UQCRC2: variants seen among roughly 807,000 people sequenced by gnomAD.
UQCRC2 encodes the protein ubiquinol-cytochrome c reductase core protein 2, also known as cytochrome b-c1 complex subunit 2, mitochondrial.
UQCRC2 carries 49 observed loss-of-function variants against 55.6 expected under a neutral mutation model. The observed-to-expected ratio is 0.88, with a 90% CI of 0.70 to 1.12. The LOEUF (loss-of-function observed/expected upper bound fraction) is 1.12. Among genes scored for constraint, UQCRC2 ranks in the 50% most tolerant of loss-of-function variants. The pLI, the probability that UQCRC2 is intolerant of heterozygous loss-of-function variation, is 0.00. For synonymous variants in UQCRC2, 193 were observed against 192.0 expected (o/e 1.01, Z -0.04); for missense variants, 506 against 547.8 (o/e 0.92, Z 0.76).
chr16:21,971,043 CT>C (rs2141940639), intron 8 of UQCRC2, among the ~76,000 whole-genome samples: 2 of 151,974 alleles, frequency 1.3e-5, no homozygotes, highest in African/African-American at 4.8e-5. Context: ...CCTCTTTTTA[CT>C]TTCTTGATAC....
At chr16:21,968,562 T>C in intron 7 of UQCRC2, 66 bp from the exon 8 acceptor site, 1 of 1,444,340 alleles carries the variant, frequency 6.9e-7, no homozygotes, top group Non-Finnish European at 9.4e-7. Flanking sequence ...AAACTGTACT[T>C]TTATGTTTTT....
At chr16:21,962,598 A>G (rs1898230198) in intron 5 of UQCRC2, 82 bp downstream of exon 5, 13 of 1,599,658 alleles carry the variant, frequency 8.1e-6, no homozygotes, top group Non-Finnish European at 3.4e-6. Flanking sequence ...ATGCGTCATT[A>G]TGACCTCTGA....
rs191561064 is a variant in UQCRC2, at chr16:21,957,668, C to T, written c.267+102C>T. On this transcript the variant is annotated intron_variant, in intron 3 of 13. Coordinates refer to ENST00000268379, the MANE Select transcript of UQCRC2 (RefSeq NM_003366.4). ...ATGTCTTTATATTTTGATTCCTTGA[C>T]CTGCCATAACAAATTACCACGGACT... 1.2e-5 allele frequency: 18 copies of T among 1,476,960 alleles called. No individual in the cohort carries two copies. In the Admixed American group the frequency reaches 1.5e-4, roughly 12 times the overall value. The allele number at this position is 1,476,960 out of a possible 1,614,324, so 91.5% of individuals were successfully genotyped here. A position where few individuals can be genotyped will look rare whatever the true frequency, so the allele number is the denominator to read the frequency against.
At chr16:21,974,079 A>G (rs1898526336) in intron 11 of UQCRC2, 103 bp downstream of exon 11, 5 of 1,024,162 alleles carry the variant, frequency 4.9e-6, no homozygotes, top group South Asian at 4.5e-5. Flanking sequence ...ATGCAGTGCA[A>G]TGACTTATCA....
chr16:21,981,004 C>T (rs1464573798), intron 13 of UQCRC2, among the ~76,000 whole-genome samples: 3 of 152,076 alleles, frequency 2.0e-5, no homozygotes, highest in African/African-American at 4.8e-5. Flanking sequence ...ACGTATCAAA[C>T]GTTAGGTTAA....
chr16:21,982,982 AAG>A (rs1555516665), intron 13 of UQCRC2, 104 bp from the exon 14 acceptor site: 32 of 1,012,858 alleles, frequency 3.2e-5, no homozygotes, highest in South Asian at 1.2e-4. Context: ...AAAAAAAAAA[AAG>A]AATGTCCTAT....
rs908799986 is a variant in UQCRC2, at chr16:21,958,569, G to A, written c.302G>A (p.Arg101His). The A allele has an allele frequency of 1.4e-5, 23 of 1,612,576 alleles. No homozygotes were observed. Among genetic ancestry groups the A allele is most frequent in the East Asian group, 2.2e-5 (1 of 44,802 alleles). ...TKGASSFKIT[R>H]GIEAVGGKLS... ...GGAGCTTCATCTTTCAAGATAACCCGTGGAATTGAAGCAGTTGGTGGCAAA... is the reference window on the plus strand; with the variant it reads ...GGAGCTTCATCTTTCAAGATAACCCATGGAATTGAAGCAGTTGGTGGCAAA... Residue 101 changes from arginine (R) to histidine (H), a missense_variant, in exon 4 of 14, where the codon CGT becomes CAT. Arg to His is a conservative substitution (Grantham distance 29). Transcript: ENST00000268379.
At chr16:21,954,997 G>C (rs548915882) in intron 1 of UQCRC2, among the ~76,000 whole-genome samples, 1 of 146,286 alleles carries the variant, frequency 6.8e-6, no homozygotes, top group South Asian at 2.1e-4. Context: ...GGAGGTTGCA[G>C]TGAGCCGAGA....
intron 4 of UQCRC2, among the ~76,000 whole-genome samples, chr16:21,961,683 G>A (rs1340561853): frequency 1.3e-5 from 1 of 75,550 alleles, no homozygotes; most frequent in Non-Finnish European, 3.2e-5. Context: ...AGACAGTCTC[G>A]CTGTGTCGCC....
At chr16:21,957,353 C>T in intron 2 of UQCRC2, 35 bp downstream of exon 2, 1 of 1,613,918 alleles carries the variant, frequency 6.2e-7, no homozygotes, top group Non-Finnish European at 8.5e-7. Context: ...GGAAGCTATA[C>T]ATGCCTTACT....
chr16:21,971,979 A>G lies in UQCRC2; in HGVS notation c.823A>G (p.Ser275Gly), dbSNP rs764384533. The part of the protein sequence containing the change: ...SLVHAAFVAE[S>G]AVAGSAEANA... ...TGTCCATGCTGCTTTTGTAGCAGAA[A>G]GTGCTGTCGCGGGAAGTGCAGAGGC... The change falls in exon 10 of 14, where the codon AGT (serine) becomes GGT (glycine). Residue 275 changes from serine to glycine, a missense_variant. By Grantham distance (56) the Ser-to-Gly change is moderately conservative. Coordinates refer to ENST00000268379, the MANE Select transcript of UQCRC2 (RefSeq NM_003366.4). The G allele has an allele frequency of 1.9e-5, 31 of 1,614,074 alleles. No homozygotes were observed. Among genetic ancestry groups the G allele is most frequent in the Admixed American group, 8.3e-5 (5 of 60,010 alleles).
At chr16:21,954,206 C>T (rs1898055984) in intron 1 of UQCRC2, among the ~76,000 whole-genome samples, 1 of 152,100 alleles carries the variant, frequency 6.6e-6, no homozygotes, top group African/African-American at 2.4e-5. Context: ...TGTTTGGAGA[C>T]ATATTTAGTT....
rs1597972716 is a variant in UQCRC2, at chr16:21,983,135, A to G, written c.1326A>G (p.Gly442=). The G allele has an allele frequency of 6.2e-7, 1 of 1,614,138 alleles. No homozygotes were observed. Among genetic ancestry groups the G allele is most frequent in the Non-Finnish European group, 8.5e-7 (1 of 1,180,022 alleles). ...GCCAGAAGTCAATGGCAGCAAGTGG[A>G]AATTTGGGACATACACCTTTTGTTG... ...VSGQKSMAAS[G]NLGHTPFVDE... Residue 442 remains glycine, a synonymous_variant, in exon 14 of 14, where the codon GGA becomes GGG. Transcript: ENST00000268379.
chr16:21,957,646 T>C, intron 3 of UQCRC2, 80 bp downstream of exon 3: 1 of 1,539,614 alleles, frequency 6.5e-7, no homozygotes, highest in Non-Finnish European at 8.7e-7. Flanking sequence ...AAGATCAATG[T>C]CTTTATATTT....
chr16:21,975,451 CAG>C (rs149236309), intron 11 of UQCRC2, among the ~76,000 whole-genome samples: 4 of 152,104 alleles, frequency 2.6e-5, no homozygotes, highest in South Asian at 2.1e-4. Context: ...GAAGGGGAAA[CAG>C]AGGTCCTAGA....
At chr16:21,963,048 G>T (rs1292483990) in intron 6 of UQCRC2, 163 bp downstream of exon 6, 1 of 910,130 alleles carries the variant, frequency 1.1e-6, no homozygotes. Context: ...GAGTGCAGTG[G>T]CACGATCTTG....
chr16:21,960,589 TC>T (rs1898177203), intron 4 of UQCRC2, among the ~76,000 whole-genome samples: 2 of 152,236 alleles, frequency 1.3e-5, no homozygotes, highest in South Asian at 4.1e-4. Flanking sequence ...TTGACCTGTA[TC>T]CGTTTTTAAC....
At chr16:21,968,602 C>A in intron 7 of UQCRC2, 26 bp from the exon 8 acceptor site, 1 of 1,579,264 alleles carries the variant, frequency 6.3e-7, no homozygotes, top group Non-Finnish European at 8.6e-7. Flanking sequence ...CTAATATAAC[C>A]TAATAAGTGT....
At position 21,957,541 on chromosome 16, in the gene UQCRC2, A is replaced by G. The variant is rs1472736410; in HGVS notation, c.242A>G (p.His81Arg). ...YEDFSNLGTT[H>R]LLRLTSSLTT... is the part of the protein sequence containing the mutation. ...GACTTCAGCAATTTAGGAACCACCC[A>G]TTTGCTGCGTCTTACATCCAGTCTG... Residue 81 changes from histidine (H) to arginine (R), a missense_variant, in exon 3 of 14, where the codon CAT (histidine) becomes CGT (arginine). Transcript: ENST00000268379. 1.9e-6 allele frequency: 3 copies of G among 1,613,932 alleles called. No individual in the cohort carries two copies. The Admixed American group carries it at 5.0e-5, about 27-fold the overall frequency.
Sources: gnomAD v4.1 joint callset for allele counts (sites outside exome capture counted in the v4.1 genomes callset) on GRCh38, gnomAD v4.1.1 for gene constraint, MANE v1.5 for transcripts, NCBI Gene and HGNC (gene_info 2026-07-23, HGNC 2026-07-21) for gene names.